MMP2: variants seen among roughly 807,000 people sequenced by gnomAD.
MMP2 encodes the protein matrix metallopeptidase 2.
A neutral mutation model predicts 74.8 loss-of-function variants in MMP2; 39 were observed. That is an observed-to-expected ratio of 0.52 (90% CI 0.40 to 0.68). The LOEUF (loss-of-function observed/expected upper bound fraction) is 0.68. Among genes scored for constraint, MMP2 ranks in the 30% least tolerant of loss-of-function variants. MMP2 has a pLI of 0.00. For synonymous variants in MMP2, 367 were observed against 339.8 expected (o/e 1.08, Z -0.88); for missense variants, 803 against 878.3 (o/e 0.91, Z 1.08).
chr16:55,480,271 G>A (rs941476352), intron 1 of MMP2, among the ~76,000 whole-genome samples: 2 of 152,188 alleles, frequency 1.3e-5, no homozygotes, highest in East Asian at 1.9e-4. Context: ...GGAAGTGATT[G>A]GGGCAGGAGG....
rs373539613 is a variant in MMP2 at position 55,485,584 on chromosome 16, C to A, written c.659-20C>A. On this transcript the variant is annotated intron_variant, in intron 4 of 12. Coordinates refer to ENST00000219070, the MANE Select transcript of MMP2 (RefSeq NM_004530.6). Reference sequence around the variant, plus strand: ...AAGGCCTGGAGAAGTCCAACCTCCCCCTTCCATGTCACTCTTTAGTGGTCC... The same window carrying A: ...AAGGCCTGGAGAAGTCCAACCTCCCACTTCCATGTCACTCTTTAGTGGTCC... 5.0e-6 allele frequency: 8 copies of A among 1,613,930 alleles called. No individual in the cohort carries two copies. The highest frequency in any genetic ancestry group is 1.1e-5 in the South Asian group (1 of 91,070).
At chr16:55,492,052 C>A in intron 8 of MMP2, 96 bp downstream of exon 8, 1 of 1,278,456 alleles carries the variant, frequency 7.8e-7, no homozygotes, top group Non-Finnish European at 1.1e-6. Context: ...AGCAAGATCT[C>A]ATCCAGCCAG....
rs1962802689 is a variant in MMP2, at chr16:55,506,402, G to C, written c.*960G>C. On this transcript the variant is annotated 3_prime_UTR_variant, in exon 13 of 13. Coordinates refer to ENST00000219070, the MANE Select transcript of MMP2 (RefSeq NM_004530.6). ...GTAAACAGCAAGAGAACCTCAGGGAGAGTAAGCTCTAGTCCCTCTGTCCTG... is the reference window on the plus strand; with the variant it reads ...GTAAACAGCAAGAGAACCTCAGGGACAGTAAGCTCTAGTCCCTCTGTCCTG... 1 of 152,226 alleles carries C rather than the reference G, an allele frequency of 6.6e-6. No individual in the cohort carries two copies. Among genetic ancestry groups the C allele is most frequent in the African/African-American group, 2.4e-5 (1 of 41,462 alleles). 9.4% of individuals were successfully genotyped at this position (152,226 alleles called of 1,614,324 possible). A position where few individuals can be genotyped will look rare whatever the true frequency, so the allele number is the denominator to read the frequency against.
rs55996787 is a variant in MMP2 at position 55,500,494 on chromosome 16, TACACACAC to T, written c.1769+2084_1769+2091del. On this transcript the variant is annotated intron_variant, in intron 11 of 12. Coordinates refer to ENST00000219070, the MANE Select transcript of MMP2 (RefSeq NM_004530.6). ...ACATGATTGTGTGCGCATGTGCGCA[TACACACAC>T]ACACACACACACACACACACACACA... Among the ~76,000 whole-genome samples the T allele has an allele frequency of 8.5e-3, 1,155 of 136,076 alleles. 11 individuals carry two copies. Among genetic ancestry groups the T allele is most frequent in the South Asian group, 0.022 (88 of 4,048 alleles). The allele number at this position is 136,076 out of a possible 152,430, so 89.3% of individuals were successfully genotyped here.
In MMP2 at chr16:55,485,734, C is replaced by A. The variant is rs2142349089; in HGVS notation, c.789C>A (p.Tyr263Ter). The change falls in exon 5 of 13, where the codon TAC (tyrosine) becomes TAA (stop). Residue 263 changes from tyrosine (Y) to a stop codon, truncating the protein, a stop_gained. Transcript: ENST00000219070. LOFTEE classifies it high-confidence loss of function. Reference protein sequence around the residue: ...SDGFLWCSTTYNFEKDGKYGF... With the variant: ...SDGFLWCSTT ...GCTTCCTCTGGTGCTCCACCACCTA[C>A]AACTTTGAGAAGGATGGCAAGTACG... The A allele has an allele frequency of 6.2e-7, 1 of 1,614,160 alleles. No homozygotes were observed. The highest frequency in any genetic ancestry group is 8.5e-7 in the Non-Finnish European group (1 of 1,180,032).
intron 5 of MMP2, chr16:55,487,995 G>A (rs1962301598): frequency 5.3e-6 from 1 of 187,540 alleles, no homozygotes; most frequent in Non-Finnish European, 1.1e-5. Context: ...ACACATATAT[G>A]AGAGTGACAG....
chr16:55,488,848 C>CTTGGTGTGGATGTCATT, intron 6 of MMP2, 132 bp downstream of exon 6: 3 of 944,974 alleles, frequency 3.2e-6, no homozygotes, highest in Non-Finnish European at 4.9e-6. Flanking sequence ...CGAATGACAT[C>CTTGGTGTGGATGTCATT]CACACCAAGA....
chr16:55,490,270 G>A (rs1321021708), intron 7 of MMP2, among the ~76,000 whole-genome samples: 1 of 152,130 alleles, frequency 6.6e-6, no homozygotes, highest in African/African-American at 2.4e-5. Flanking sequence ...GGCAGTAGAA[G>A]AAAGGAAAAA....
intron 10 of MMP2, 103 bp downstream of exon 10, chr16:55,497,165 T>C: frequency 6.7e-7 from 1 of 1,500,292 alleles, no homozygotes; most frequent in South Asian, 1.1e-5. Flanking sequence ...ACAGTTCCTA[T>C]GCACCCGTGG....
chr16:55,492,700 T>C (rs1342441201), intron 8 of MMP2, among the ~76,000 whole-genome samples: 3 of 152,102 alleles, frequency 2.0e-5, no homozygotes, highest in Admixed American at 2.0e-4. Context: ...TGTGTAAGTC[T>C]TTATACCTCT....
At position 55,497,061 on chromosome 16, in the gene MMP2, A is replaced by G; in HGVS notation, c.1608A>G (p.Ala536=). 4 of 1,614,048 alleles carry G rather than the reference A, an allele frequency of 2.5e-6. No individual in the cohort carries two copies. The highest frequency in any genetic ancestry group is 3.4e-6 in the Non-Finnish European group (4 of 1,180,014). The part of the protein sequence containing the change: ...APQEEKAVFF[A]GNEYWIYSAS... ...AGGAGGAGAAGGCTGTGTTCTTTGC[A>G]GGTGTGTGGGAAGCACCCTTCCTTG... Residue 536 remains alanine (A), a splice_region_variant and synonymous_variant, in exon 10 of 13, where the codon GCA becomes GCG. Transcript: ENST00000219070.
chr16:55,481,650 A>G (rs1962103065), intron 1 of MMP2: 4 of 505,662 alleles, frequency 7.9e-6, no homozygotes, highest in Non-Finnish European at 1.4e-5. Flanking sequence ...TGGTTTGAAC[A>G]CCTCTGACAA....
chr16:55,491,072 T>A (rs1471959798), intron 7 of MMP2, among the ~76,000 whole-genome samples: 1 of 44,952 alleles, frequency 2.2e-5, no homozygotes, highest in Non-Finnish European at 4.4e-5. Flanking sequence ...CCTCTCCTCC[T>A]TTTTTTTTTT....
In MMP2 at chr16:55,488,578, C is replaced by A. The variant is rs749985567; in HGVS notation, c.868C>A (p.Pro290Thr). 7.4e-6 allele frequency: 12 copies of A among 1,613,870 alleles called. No homozygotes were observed. Among genetic ancestry groups the A allele is most frequent in the Non-Finnish European group, 1.0e-5 (12 of 1,179,984 alleles). The change falls in exon 6 of 13, where the codon CCC (proline) becomes ACC (threonine). Residue 290 changes from proline (P) to threonine (T), a missense_variant. Pro to Thr is a conservative substitution (Grantham distance 38). Around this residue, in one of 3 missense-constraint regions of MMP2, gnomAD observed 555 missense variants for 592.0 expected, o/e 0.94. Coordinates refer to ENST00000219070, the MANE Select transcript of MMP2 (RefSeq NM_004530.6). ...FTMGGNAEGQ[P>T]CKFPFRFQGT... ...CATGGGCGGCAACGCTGAAGGACAG[C>A]CCTGCAAGTTTCCATTCCGCTTCCA...
In MMP2 at chr16:55,482,992, G is replaced by C; in HGVS notation, c.237G>C (p.Lys79Asn). The change falls in exon 2 of 13, where the codon AAG becomes AAC. Residue 79 changes from lysine to asparagine, a missense_variant. By Grantham distance (94) the Lys-to-Asn change is moderately conservative (BLOSUM62 0). This residue lies in a region of MMP2 where 223 missense variants were observed against 232.8 expected (regional missense o/e 0.96). Transcript: ENST00000219070. ...VLKDTLKKMQ[K>N]FFGLPQTGDL... ...AGGACACACTAAAGAAGATGCAGAA[G>C]TTCTTTGGACTGCCCCAGACAGGTG... 6.2e-7 allele frequency: 1 copy of C among 1,614,218 alleles called. No individual in the cohort carries two copies. The highest frequency in any genetic ancestry group is 8.5e-7 in the Non-Finnish European group (1 of 1,180,034).
Position 55,491,842 on chromosome 16 carries a change from G to A in MMP2, c.1222G>A (p.Ala408Thr), listed in dbSNP as rs746860302. 23 of 1,614,050 alleles carry A rather than the reference G, an allele frequency of 1.4e-5. No individual in the cohort carries two copies. Among genetic ancestry groups the A allele is most frequent in the Admixed American group, 8.3e-5 (5 of 60,006 alleles). Reference protein sequence around the residue: ...FLVAAHEFGHAMGLEHSQDPG... With the variant: ...FLVAAHEFGHTMGLEHSQDPG... ...CGTGGCAGCCCACGAGTTTGGCCAC[G>A]CCATGGGGCTGGAGCACTCCCAAGA... Residue 408 changes from alanine (A) to threonine (T), a missense_variant, in exon 8 of 13, where the codon GCC becomes ACC. Coordinates refer to ENST00000219070, the MANE Select transcript of MMP2 (RefSeq NM_004530.6).
chr16:55,497,545 A>G (rs1962560516), intron 10 of MMP2, among the ~76,000 whole-genome samples: 1 of 152,258 alleles, frequency 6.6e-6, no homozygotes, highest in South Asian at 2.1e-4. Flanking sequence ...TCAGTAACTG[A>G]TATTTTGACA....
chr16:55,491,755 T>A, intron 7 of MMP2, 46 bp from the exon 8 acceptor site: 3 of 1,610,718 alleles, frequency 1.9e-6, no homozygotes, highest in Non-Finnish European at 2.5e-6. Flanking sequence ...TTCTCTCTCA[T>A]CTCTCTTCCT....
chr16:55,495,120 G>A (rs1024106380), intron 9 of MMP2, among the ~76,000 whole-genome samples: 6 of 152,198 alleles, frequency 3.9e-5, no homozygotes, highest in Non-Finnish European at 8.8e-5. Context: ...TGAGAGATGA[G>A]ACTTAGAATG....
Sources: allele counts gnomAD v4.1 joint callset (sites outside exome capture counted in the v4.1 genomes callset), GRCh38; gene constraint gnomAD v4.1.1; regional missense constraint gnomAD v4.1.1; transcripts MANE v1.5; gene names NCBI Gene and HGNC (gene_info 2026-07-23, HGNC 2026-07-21).